PRICKLE2: variants seen among roughly 807,000 people sequenced by gnomAD.
PRICKLE2 encodes the protein prickle planar cell polarity protein 2.
A neutral mutation model predicts 81.4 loss-of-function variants in PRICKLE2; 21 were observed. That is an observed-to-expected ratio of 0.26 (90% CI 0.18 to 0.37). The LOEUF is 0.37. Among genes scored for constraint, PRICKLE2 ranks in the 10% least tolerant of loss-of-function variants. The probability of loss-of-function intolerance (pLI) is 1.00; values close to 1 mark genes in which losing one functional copy is unlikely to be tolerated. For missense variants in PRICKLE2, 940 were observed against 1,109.0 expected (o/e 0.85, Z 2.16); for synonymous variants, 456 against 421.5 (o/e 1.08, Z -1.00).
chr3:64,223,320 T>G (rs2078984488), intron 1 of PRICKLE2, among the ~76,000 whole-genome samples: 1 of 152,188 alleles, frequency 6.6e-6, no homozygotes. Context: ...TAACTATAGA[T>G]TCCATTGCTC....
At chr3:64,140,332 G>A (rs1487757158) in intron 7 of PRICKLE2, among the ~76,000 whole-genome samples, 3 of 152,154 alleles carry the variant, frequency 2.0e-5, no homozygotes, top group African/African-American at 7.2e-5. Flanking sequence ...CAGGGTAGGC[G>A]CTCATGTCAT....
At chr3:64,163,154 G>T in intron 2 of PRICKLE2, 25 bp from the exon 3 acceptor site, 2 of 1,380,464 alleles carry the variant, frequency 1.4e-6, no homozygotes, top group South Asian at 1.2e-5. Flanking sequence ...GCATATAGAT[G>T]ACTTGCCCAT....
At chr3:64,202,834 T>C (rs937582921) in intron 1 of PRICKLE2, among the ~76,000 whole-genome samples, 1 of 152,154 alleles carries the variant, frequency 6.6e-6, no homozygotes, top group African/African-American at 2.4e-5. Flanking sequence ...GTGGACATCT[T>C]TGTTGTGTTC....
chr3:64,195,327 A>C (rs1009279328), intron 2 of PRICKLE2, among the ~76,000 whole-genome samples: 1 of 152,228 alleles, frequency 6.6e-6, no homozygotes, highest in African/African-American at 2.4e-5. Context: ...CGTATTCGAG[A>C]ACACTTCCCT....
chr3:64,186,710 A>C (rs1319529934), intron 2 of PRICKLE2, among the ~76,000 whole-genome samples: 1 of 152,244 alleles, frequency 6.6e-6, no homozygotes, highest in African/African-American at 2.4e-5. Flanking sequence ...GGCTGAATGC[A>C]CAAATAAATG....
At chr3:64,263,835 G>A (rs566198967) in intron 2 of PRICKLE2, among the ~76,000 whole-genome samples, 1 of 152,160 alleles carries the variant, frequency 6.6e-6, no homozygotes, top group Admixed American at 6.5e-5. Context: ...AAGAACCCAA[G>A]GCAAATGAGC....
intron 5 of PRICKLE2, chr3:64,154,832 C>A (rs924917885): frequency 6.6e-6 from 1 of 152,020 alleles, no homozygotes; most frequent in Non-Finnish European, 1.5e-5. Flanking sequence ...AGAATATATA[C>A]AAATCACTCT....
chr3:64,135,746 A>C (rs993532197), intron 7 of PRICKLE2, among the ~76,000 whole-genome samples: 2 of 152,116 alleles, frequency 1.3e-5, no homozygotes, highest in African/African-American at 2.4e-5. Flanking sequence ...GCGTGCACAC[A>C]CACAGAGCTA....
In PRICKLE2 at chr3:64,159,920, T is replaced by G. The variant is rs200795972; in HGVS notation, c.396+20A>C. On this transcript the variant is annotated intron_variant, in intron 4 of 7. Coordinates refer to ENST00000638394, the MANE Select transcript of PRICKLE2 (RefSeq NM_198859.4). ...AGATGCCAGAACAATGCCTCTTCAC[T>G]CCCCTGAATCCATGCTTACCTGTTC... The G allele has an allele frequency of 2.9e-4, 462 of 1,614,072 alleles. No homozygotes were observed. The highest frequency in any genetic ancestry group is 3.2e-4 in the Non-Finnish European group (381 of 1,179,960).
intron 7 of PRICKLE2, among the ~76,000 whole-genome samples, chr3:64,113,367 A>C (rs1356935322): frequency 6.6e-6 from 1 of 152,126 alleles, no homozygotes; most frequent in African/African-American, 2.4e-5. Flanking sequence ...TGCACCCCTT[A>C]GTCTGTTGGC....
intron 7 of PRICKLE2, among the ~76,000 whole-genome samples, chr3:64,113,520 C>T (rs182020485): frequency 5.9e-5 from 9 of 152,266 alleles, no homozygotes; most frequent in East Asian, 3.9e-4. Context: ...CAGCCATGCA[C>T]ATGCTCCCTC....
At chr3:64,163,306 G>T in intron 2 of PRICKLE2, 177 bp from the exon 3 acceptor site, 1 of 652,210 alleles carries the variant, frequency 1.5e-6, no homozygotes, top group Admixed American at 2.2e-5. Context: ...CATCCTTAAA[G>T]CAAGAGTCAG....
intron 2 of PRICKLE2, 60 bp downstream of exon 2, chr3:64,198,724 G>A: frequency 6.6e-7 from 1 of 1,526,064 alleles, no homozygotes; most frequent in Non-Finnish European, 9.1e-7. Flanking sequence ...GAATGAGGAA[G>A]GACCAGTAAG....
At chr3:64,154,884 C>G (rs1575597751) in intron 5 of PRICKLE2, 1 of 152,070 alleles carries the variant, frequency 6.6e-6, no homozygotes, top group South Asian at 2.1e-4. Flanking sequence ...TACAGTGGCT[C>G]ACACCTGTAA....
intron 6 of PRICKLE2, among the ~76,000 whole-genome samples, chr3:64,152,140 C>A (rs1236110711): frequency 6.6e-6 from 1 of 152,188 alleles, no homozygotes; most frequent in Non-Finnish European, 1.5e-5. Context: ...GAAAACAAAG[C>A]CACTTTTTTT....
chr3:64,199,848 T>C lies in PRICKLE2; in HGVS notation c.-40-881A>G, dbSNP rs2078538445. The C allele has an allele frequency of 3.3e-5, 5 of 152,124 alleles. No individual in the cohort carries two copies. In the South Asian group the frequency reaches 1.0e-3, roughly 32 times the overall value. 9.4% of individuals were successfully genotyped at this position (152,124 alleles called of 1,614,324 possible). On this transcript the variant is annotated intron_variant, in intron 1 of 7. Coordinates refer to ENST00000638394, the MANE Select transcript of PRICKLE2 (RefSeq NM_198859.4). Reference sequence around the variant, plus strand: ...GAAAAAAAGAATAGAGGAGGAAAATTTTAAGGAAATAAGTTATTCCATGTT... The same window carrying C: ...GAAAAAAAGAATAGAGGAGGAAAATCTTAAGGAAATAAGTTATTCCATGTT...
chr3:64,245,457 A>G (rs2079333469), intron 2 of PRICKLE2, among the ~76,000 whole-genome samples: 1 of 152,196 alleles, frequency 6.6e-6, no homozygotes, highest in Admixed American at 6.5e-5. Context: ...TCTGAAACAC[A>G]TATTCTACAT....
intron 2 of PRICKLE2, among the ~76,000 whole-genome samples, chr3:64,259,653 T>C (rs2079587299): frequency 6.6e-6 from 1 of 151,460 alleles, no homozygotes; most frequent in African/African-American, 2.4e-5. Context: ...TGAGATTATG[T>C]AGATTATACA....
chr3:64,142,319 T>TTC (rs2107006807), intron 7 of PRICKLE2, among the ~76,000 whole-genome samples: 1 of 150,782 alleles, frequency 6.6e-6, no homozygotes, highest in South Asian at 2.1e-4. Context: ...CTTTCTTTTT[T>TTC]TTTTTTTTTT....
Sources: allele counts gnomAD v4.1 joint callset (sites outside exome capture counted in the v4.1 genomes callset), GRCh38; gene constraint gnomAD v4.1.1; transcripts MANE v1.5; gene names NCBI Gene and HGNC (gene_info 2026-07-23, HGNC 2026-07-21).